Variants in TCIM observed in about 807,000 individuals in gnomAD.
TCIM encodes human thyroid cancer 1.
In TCIM, 5 loss-of-function variants were observed where a neutral mutation model predicts 7.0. That is an observed-to-expected ratio of 0.71 (90% CI 0.37 to 1.50). The LOEUF is 1.50. Ranked by LOEUF, TCIM falls within the 40% of genes most tolerant of loss-of-function variation. The pLI, the probability that TCIM is intolerant of heterozygous loss-of-function variation, is 0.03. For missense variants in TCIM, 137 were observed against 129.7 expected (o/e 1.06, Z -0.27); for synonymous variants, 66 against 50.3 (o/e 1.31, Z -1.32).
chr8:40,154,414 T>C lies in TCIM; in HGVS notation c.*561T>C. 2.5e-6 allele frequency: 1 copy of C among 400,508 alleles called. No homozygotes were observed. The highest frequency in any genetic ancestry group is 4.6e-6 in the Non-Finnish European group (1 of 218,468). 24.8% of individuals were successfully genotyped at this position (400,508 alleles called of 1,614,324 possible). On this transcript the variant is annotated 3_prime_UTR_variant, in exon 1 of 1. Coordinates refer to ENST00000315792, the MANE Select transcript of TCIM (RefSeq NM_020130.5). ...ATTGGTATAGATTTTTAGAAATCAA[T>C]AATTGATTATTTATTTGCACTTATT...
chr8:40,153,918 G>A lies in TCIM; in HGVS notation c.*65G>A, dbSNP rs1804754266. The A allele has an allele frequency of 1.4e-6, 2 of 1,382,382 alleles. No individual in the cohort carries two copies. Among genetic ancestry groups the A allele is most frequent in the African/African-American group, 1.4e-5 (1 of 69,154 alleles). 85.6% of individuals were successfully genotyped at this position (1,382,382 alleles called of 1,614,324 possible). ...ATTCAAAGACCAAGTGAGTTTGTGA[G>A]ATTCTAACAGATGCAGCATTTTGCT... is the stretch of plus-strand genomic sequence containing the variant. On this transcript the variant is annotated 3_prime_UTR_variant, in exon 1 of 1. Coordinates refer to ENST00000315792, the MANE Select transcript of TCIM (RefSeq NM_020130.5).
In TCIM at chr8:40,153,815, T is replaced by C; in HGVS notation, c.283T>C (p.Phe95Leu). 1 of 1,613,532 alleles carries C rather than the reference T, an allele frequency of 6.2e-7. No individual in the cohort carries two copies. Residue 95 changes from phenylalanine (F) to leucine (L), a missense_variant, in exon 1 of 1, where the codon TTT becomes CTT. By Grantham distance (22) the Phe-to-Leu change is conservative. Transcript: ENST00000315792. Reference protein sequence around the residue: ...KKRTKDKLFQFLKLRKYSIKV... With the variant: ...KKRTKDKLFQLLKLRKYSIKV... ...GAGGACAAAAGACAAGCTTTTCCAGTTTCTGAAACTGCGGAAATATTCCAT... is the reference window on the plus strand; with the variant it reads ...GAGGACAAAAGACAAGCTTTTCCAGCTTCTGAAACTGCGGAAATATTCCAT...
rs143097437 is a variant in TCIM at position 40,153,775 on chromosome 8, G to A, written c.243G>A (p.Leu81=). The change falls in exon 1 of 1, where the codon CTG becomes CTA. Residue 81 remains leucine, a synonymous_variant. Transcript: ENST00000315792. ...DQDVEEKTRA[L]MALKKRTKDK... is the part of the protein sequence containing the mutation. ...ATGTGGAGGAGAAAACGCGTGCCCT[G>A]ATGGCCTTGAAGAAGAGGACAAAAG... 1.3e-5 allele frequency: 21 copies of A among 1,614,032 alleles called. No homozygotes were observed. The African/African-American group carries it at 2.7e-4, about 21-fold the overall frequency.
In TCIM at chr8:40,153,585, T is replaced by A. The variant is rs1804745111; in HGVS notation, c.53T>A (p.Val18Asp). ...GTCATCATGTCCACGTCGCTACGAG[T>A]CAGCCCATCCATCCATGGCTACCAC... ...QAVIMSTSLR[V>D]SPSIHGYHFD... The change falls in exon 1 of 1, where the codon GTC becomes GAC. Residue 18 changes from valine (V) to aspartate (D), a missense_variant. Coordinates refer to ENST00000315792, the MANE Select transcript of TCIM (RefSeq NM_020130.5). 1.2e-6 allele frequency: 2 copies of A among 1,613,914 alleles called. No individual in the cohort carries two copies. The highest frequency in any genetic ancestry group is 1.7e-6 in the Non-Finnish European group (2 of 1,179,956).
In TCIM at chr8:40,154,286, G is replaced by T. The variant is rs1211906284; in HGVS notation, c.*433G>T. On this transcript the variant is annotated 3_prime_UTR_variant, in exon 1 of 1. Coordinates refer to ENST00000315792, the MANE Select transcript of TCIM (RefSeq NM_020130.5). Reference sequence around the variant, plus strand: ...TTTTAACCAAATAGATAGGGGAAGGGAGGAGGGAGAGGGAGGACAGGGAGA... The same window carrying T: ...TTTTAACCAAATAGATAGGGGAAGGTAGGAGGGAGAGGGAGGACAGGGAGA... 4.8e-6 allele frequency: 2 copies of T among 413,680 alleles called. No homozygotes were observed. Among genetic ancestry groups the T allele is most frequent in the African/African-American group, 4.1e-5 (2 of 48,500 alleles). 25.6% of individuals were successfully genotyped at this position (413,680 alleles called of 1,614,324 possible).
In TCIM at chr8:40,153,911, T is replaced by A. The variant is rs191536462; in HGVS notation, c.*58T>A. ...AATGGACATTCAAAGACCAAGTGAGTTTGTGAGATTCTAACAGATGCAGCA... is the reference window on the plus strand; with the variant it reads ...AATGGACATTCAAAGACCAAGTGAGATTGTGAGATTCTAACAGATGCAGCA... On this transcript the variant is annotated 3_prime_UTR_variant, in exon 1 of 1. Coordinates refer to ENST00000315792, the MANE Select transcript of TCIM (RefSeq NM_020130.5). 6,464 of 1,448,042 alleles carry A rather than the reference T, an allele frequency of 4.5e-3. 20 individuals carry two copies. The highest frequency in any genetic ancestry group is 5.6e-3 in the Middle Eastern group (31 of 5,526). 89.7% of individuals were successfully genotyped at this position (1,448,042 alleles called of 1,614,324 possible).
Position 40,153,922 on chromosome 8 carries a change from C to T in TCIM, c.*69C>T, listed in dbSNP as rs1409655104. 7.3e-7 allele frequency: 1 copy of T among 1,374,522 alleles called. No individual in the cohort carries two copies. The highest frequency in any genetic ancestry group is 2.1e-5 in the Admixed American group (1 of 46,710). The allele number at this position is 1,374,522 out of a possible 1,614,324, so 85.1% of individuals were successfully genotyped here. A position where few individuals can be genotyped will look rare whatever the true frequency, so the allele number is the denominator to read the frequency against. On this transcript the variant is annotated 3_prime_UTR_variant, in exon 1 of 1. Coordinates refer to ENST00000315792, the MANE Select transcript of TCIM (RefSeq NM_020130.5). ...AAAGACCAAGTGAGTTTGTGAGATT[C>T]TAACAGATGCAGCATTTTGCTGCTA...
chr8:40,154,458 C>T lies in TCIM; in HGVS notation c.*605C>T, dbSNP rs994108065. 2.9e-6 allele frequency: 1 copy of T among 348,142 alleles called. No individual in the cohort carries two copies. The highest frequency in any genetic ancestry group is 5.4e-6 in the Non-Finnish European group (1 of 186,096). The allele number at this position is 348,142 out of a possible 1,614,324, so 21.6% of individuals were successfully genotyped here. ...ACTTATTACAATGCCTGAAAAAGTG[C>T]ACCACATGGATGTTAAGTAGAAATT... On this transcript the variant is annotated 3_prime_UTR_variant, in exon 1 of 1. Transcript: ENST00000315792.
In TCIM at chr8:40,153,689, A is replaced by G; in HGVS notation, c.157A>G (p.Arg53Gly). The G allele has an allele frequency of 1.9e-6, 3 of 1,614,182 alleles. No individual in the cohort carries two copies. The highest frequency in any genetic ancestry group is 2.5e-6 in the Non-Finnish European group (3 of 1,180,022). Residue 53 changes from arginine to glycine, a missense_variant, in exon 1 of 1, where the codon AGA (arginine) becomes GGA (glycine). Transcript: ENST00000315792. ...CCAAGAATCACTAGAAAGGCTCTTCAGAAACTCTGGAGACAAGAAAGCAGA... is the reference window on the plus strand; with the variant it reads ...CCAAGAATCACTAGAAAGGCTCTTCGGAAACTCTGGAGACAAGAAAGCAGA... ...TDQESLERLF[R>G]NSGDKKAEER...
chr8:40,153,975 T>C lies in TCIM; in HGVS notation c.*122T>C. 2 of 901,876 alleles carry C rather than the reference T, an allele frequency of 2.2e-6. No individual in the cohort carries two copies. The highest frequency in any genetic ancestry group is 3.4e-6 in the Non-Finnish European group (2 of 589,366). The allele number at this position is 901,876 out of a possible 1,614,324, so 55.9% of individuals were successfully genotyped here. On this transcript the variant is annotated 3_prime_UTR_variant, in exon 1 of 1. Coordinates refer to ENST00000315792, the MANE Select transcript of TCIM (RefSeq NM_020130.5). ...TTACAAGCTTCTCTTCTGTCAGGACTCCAGAGGCTGGAAAGGGACCGGGAC... is the reference window on the plus strand; with the variant it reads ...TTACAAGCTTCTCTTCTGTCAGGACCCCAGAGGCTGGAAAGGGACCGGGAC...
chr8:40,154,461 C>A lies in TCIM; in HGVS notation c.*608C>A. 2.9e-6 allele frequency: 1 copy of A among 343,628 alleles called. No individual in the cohort carries two copies. Among genetic ancestry groups the A allele is most frequent in the Non-Finnish European group, 5.5e-6 (1 of 183,196 alleles). The allele number at this position is 343,628 out of a possible 1,614,324, so 21.3% of individuals were successfully genotyped here. A position where few individuals can be genotyped will look rare whatever the true frequency, so the allele number is the denominator to read the frequency against. ...TATTACAATGCCTGAAAAAGTGCAC[C>A]ACATGGATGTTAAGTAGAAATTCAA... On this transcript the variant is annotated 3_prime_UTR_variant, in exon 1 of 1. Transcript: ENST00000315792.
Position 40,153,810 on chromosome 8 carries a change from T to G in TCIM, c.278T>G (p.Phe93Cys). 1 of 1,613,730 alleles carries G rather than the reference T, an allele frequency of 6.2e-7. No homozygotes were observed. ...ALKKRTKDKL[F>C]QFLKLRKYSI... ...AAGAAGAGGACAAAAGACAAGCTTT[T>G]CCAGTTTCTGAAACTGCGGAAATAT... Residue 93 changes from phenylalanine (F) to cysteine (C), a missense_variant, in exon 1 of 1, where the codon TTC becomes TGC. Physicochemically the swap from Phe to Cys is radical, Grantham distance 205 (BLOSUM62 -2). Coordinates refer to ENST00000315792, the MANE Select transcript of TCIM (RefSeq NM_020130.5).
Position 40,153,754 on chromosome 8 carries a change from G to T in TCIM, c.222G>T (p.Val74=), listed in dbSNP as rs976265807. 1.2e-5 allele frequency: 20 copies of T among 1,613,986 alleles called. No homozygotes were observed. The highest frequency in any genetic ancestry group is 3.3e-5 in the Admixed American group (2 of 59,996). ...AKIIFAIDQD[V]EEKTRALMAL... is the part of the protein sequence containing the mutation. ...TCATTTTTGCCATAGATCAAGATGT[G>T]GAGGAGAAAACGCGTGCCCTGATGG... is the stretch of plus-strand genomic sequence containing the variant. The change falls in exon 1 of 1, where the codon GTG becomes GTT. Residue 74 remains valine (V), a synonymous_variant. Coordinates refer to ENST00000315792, the MANE Select transcript of TCIM (RefSeq NM_020130.5).
At position 40,154,015 on chromosome 8, in the gene TCIM, G is replaced by T; in HGVS notation, c.*162G>T. On this transcript the variant is annotated 3_prime_UTR_variant, in exon 1 of 1. Transcript: ENST00000315792. ...GGGACCGGGACTGGAAAGGGACCAG[G>T]ACTGAACAGACTGGTTACAAAGACT... is the stretch of plus-strand genomic sequence containing the variant. The T allele has an allele frequency of 1.6e-6, 1 of 643,064 alleles. No homozygotes were observed. The highest frequency in any genetic ancestry group is 2.1e-5 in the South Asian group (1 of 48,202). 39.8% of individuals were successfully genotyped at this position (643,064 alleles called of 1,614,324 possible).
Position 40,154,183 on chromosome 8 carries a change from A to G in TCIM, c.*330A>G, listed in dbSNP as rs1046773085. ...ATGTAATGAGAACTAAAGAAAACAGATGGCTGGAGATGACATTTATCCAGG... is the reference window on the plus strand; with the variant it reads ...ATGTAATGAGAACTAAAGAAAACAGGTGGCTGGAGATGACATTTATCCAGG... On this transcript the variant is annotated 3_prime_UTR_variant, in exon 1 of 1. Transcript: ENST00000315792. 1 of 418,312 alleles carries G rather than the reference A, an allele frequency of 2.4e-6. No individual in the cohort carries two copies. Among genetic ancestry groups the G allele is most frequent in the Non-Finnish European group, 4.4e-6 (1 of 228,870 alleles). 25.9% of individuals were successfully genotyped at this position (418,312 alleles called of 1,614,324 possible).
rs1804755803 is a variant in TCIM at position 40,153,999 on chromosome 8, A to C, written c.*146A>C. On this transcript the variant is annotated 3_prime_UTR_variant, in exon 1 of 1. Transcript: ENST00000315792. ...CTCCAGAGGCTGGAAAGGGACCGGG[A>C]CTGGAAAGGGACCAGGACTGAACAG... The C allele has an allele frequency of 4.1e-6, 3 of 723,056 alleles. No individual in the cohort carries two copies. The highest frequency in any genetic ancestry group is 7.0e-6 in the Non-Finnish European group (3 of 430,880). The allele number at this position is 723,056 out of a possible 1,614,324, so 44.8% of individuals were successfully genotyped here.
In TCIM at chr8:40,154,078, A is replaced by G. The variant is rs1184729568; in HGVS notation, c.*225A>G. On this transcript the variant is annotated 3_prime_UTR_variant, in exon 1 of 1. Coordinates refer to ENST00000315792, the MANE Select transcript of TCIM (RefSeq NM_020130.5). Reference sequence around the variant, plus strand: ...ATGCCCTGTGCTGTTACAGAGGAGAACAAAATGCTTTCAGCAAGGATTTGA... The same window carrying G: ...ATGCCCTGTGCTGTTACAGAGGAGAGCAAAATGCTTTCAGCAAGGATTTGA... The G allele has an allele frequency of 1.9e-6, 1 of 539,580 alleles. No homozygotes were observed. The highest frequency in any genetic ancestry group is 3.3e-6 in the Non-Finnish European group (1 of 300,714). The allele number at this position is 539,580 out of a possible 1,614,324, so 33.4% of individuals were successfully genotyped here.
chr8:40,153,806 C>A lies in TCIM; in HGVS notation c.274C>A (p.Leu92Ile), dbSNP rs553940062. 6.2e-7 allele frequency: 1 copy of A among 1,613,806 alleles called. No individual in the cohort carries two copies. Among genetic ancestry groups the A allele is most frequent in the Non-Finnish European group, 8.5e-7 (1 of 1,179,944 alleles). ...CTTGAAGAAGAGGACAAAAGACAAG[C>A]TTTTCCAGTTTCTGAAACTGCGGAA... ...MALKKRTKDK[L>I]FQFLKLRKYS... Residue 92 changes from leucine to isoleucine, a missense_variant, in exon 1 of 1, where the codon CTT becomes ATT. Coordinates refer to ENST00000315792, the MANE Select transcript of TCIM (RefSeq NM_020130.5).
Position 40,153,793 on chromosome 8 carries a change from G to A in TCIM, c.261G>A (p.Arg87=), listed in dbSNP as rs766270756. 51 of 1,613,848 alleles carry A rather than the reference G, an allele frequency of 3.2e-5. 2 individuals are homozygous for A. In the Middle Eastern group the frequency reaches 2.0e-3, roughly 62 times the overall value. The part of the protein sequence containing the change: ...KTRALMALKK[R]TKDKLFQFLK... ...GTGCCCTGATGGCCTTGAAGAAGAG[G>A]ACAAAAGACAAGCTTTTCCAGTTTC... Residue 87 remains arginine, a synonymous_variant, in exon 1 of 1, where the codon AGG becomes AGA. Transcript: ENST00000315792.
Sources: allele counts gnomAD v4.1 joint callset, GRCh38; gene constraint gnomAD v4.1.1; transcripts MANE v1.5; gene names NCBI Gene and HGNC (gene_info 2026-07-23, HGNC 2026-07-21).